The following TET1 variants were observed in gnomAD, a reference collection of about 807,000 sequenced individuals.
TET1 encodes the protein methylcytosine dioxygenase TET1.
TET1 carries 13 observed loss-of-function variants against 148.7 expected under a neutral mutation model. The observed-to-expected ratio is 0.09, with a 90% CI of 0.06 to 0.14. The LOEUF is 0.14. Among genes scored for constraint, TET1 ranks in the 10% least tolerant of loss-of-function variants. The pLI is 1.00. For missense variants in TET1, 2,182 were observed against 2,553.8 expected, an observed-to-expected ratio of 0.85 and a Z score of 3.14; for synonymous variants, 907 against 937.2, an observed-to-expected ratio of 0.97 and a Z score of 0.59.
At chr10:68,563,616 G>C (rs1330233289) in intron 1 of TET1, among the ~76,000 whole-genome samples, 1 of 152,232 alleles carries the variant, frequency 6.6e-6, no homozygotes, top group Non-Finnish European at 1.5e-5. Flanking sequence ...GATTTTGGGG[G>C]AATCCAGAAA....
At chr10:68,682,733 G>T (rs1457455212) in intron 9 of TET1, 103 bp from the exon 10 acceptor site, 2 of 1,314,526 alleles carry the variant, frequency 1.5e-6, no homozygotes, top group Non-Finnish European at 2.1e-6. Flanking sequence ...ATTACAAAGT[G>T]TAATTAATTA....
At chr10:68,594,705 G>A (rs1212443360) in intron 2 of TET1, among the ~76,000 whole-genome samples, 3 of 152,002 alleles carry the variant, frequency 2.0e-5, no homozygotes, top group East Asian at 3.9e-4. Context: ...GAGAACGGGC[G>A]CGGTGACTCA....
In TET1 at chr10:68,572,086, C is replaced by T. The variant is rs554007043; in HGVS notation, c.-122-131C>T. ...TGAGCTGTGATCATGCCTCTGCACT[C>T]CAGCCTGGGCAACAGAATGAGACCC... On this transcript the variant is annotated intron_variant, in intron 1 of 11. Coordinates refer to ENST00000373644, the MANE Select transcript of TET1 (RefSeq NM_030625.3). 9 of 396,532 alleles carry T rather than the reference C, an allele frequency of 2.3e-5. No individual in the cohort carries two copies. In the East Asian group the frequency reaches 3.6e-4, roughly 16 times the overall value. The allele number at this position is 396,532 out of a possible 1,614,324, so 24.6% of individuals were successfully genotyped here.
intron 6 of TET1, among the ~76,000 whole-genome samples, chr10:68,657,021 C>A (rs1419565492): frequency 1.6e-5 from 2 of 128,046 alleles, no homozygotes; most frequent in African/African-American, 3.4e-5. Flanking sequence ...CAGAGTCTAG[C>A]TCCAAAAAAA....
At chr10:68,614,837 G>T (rs1435159132) in intron 3 of TET1, among the ~76,000 whole-genome samples, 2 of 151,318 alleles carry the variant, frequency 1.3e-5, no homozygotes, top group East Asian at 1.9e-4. Context: ...CAAGCAATCC[G>T]CCCACCTTGG....
intron 1 of TET1, among the ~76,000 whole-genome samples, chr10:68,565,458 C>G (rs1339332175): frequency 1.0e-4 from 7 of 67,572 alleles, no homozygotes; most frequent in South Asian, 4.5e-4. Flanking sequence ...AGAGCAAGAC[C>G]CTGTTTAAAA....
chr10:68,651,252 A>G (rs989386191), intron 4 of TET1, among the ~76,000 whole-genome samples: 12 of 152,128 alleles, frequency 7.9e-5, no homozygotes, highest in African/African-American at 2.9e-4. Context: ...GATTGAGACC[A>G]TCCTGGCTAA....
intron 3 of TET1, 113 bp downstream of exon 3, chr10:68,601,147 T>A: frequency 1.1e-6 from 1 of 875,406 alleles, no homozygotes; most frequent in African/African-American, 1.7e-5. Flanking sequence ...AGATTTTCAG[T>A]AGATGGATGA....
chr10:68,596,544 C>T (rs1485397074), intron 2 of TET1, among the ~76,000 whole-genome samples: 2 of 152,102 alleles, frequency 1.3e-5, no homozygotes, highest in African/African-American at 4.8e-5. Context: ...CAACCTTGGC[C>T]TCTCAAAGTG....
chr10:68,587,181 G>A (rs2053870696), intron 2 of TET1, among the ~76,000 whole-genome samples: 1 of 152,124 alleles, frequency 6.6e-6, no homozygotes, highest in African/African-American at 2.4e-5. Context: ...TGTTTCTGCT[G>A]TGTTCTAGAC....
At chr10:68,652,705 T>C in intron 6 of TET1, 111 bp downstream of exon 6, 1 of 765,250 alleles carries the variant, frequency 1.3e-6, no homozygotes, top group Non-Finnish European at 2.0e-6. Context: ...TTTATTTATT[T>C]AATTTTTGAG....
rs889413336 is a variant in TET1 at position 68,573,405 on chromosome 10, A to G, written c.1067A>G (p.Gln356Arg). Reference sequence around the variant, plus strand: ...GCCTTCGAAGCTACTGCAAATCAACAGGAAGTTTCTGATACCACCTCTTTC... The same window carrying G: ...GCCTTCGAAGCTACTGCAAATCAACGGGAAGTTTCTGATACCACCTCTTTC... Reference protein sequence around the residue: ...QEAFEATANQQEVSDTTSFLG... With the variant: ...QEAFEATANQREVSDTTSFLG... The change falls in exon 2 of 12, where the codon CAG becomes CGG. Residue 356 changes from glutamine to arginine, a missense_variant. Coordinates refer to ENST00000373644, the MANE Select transcript of TET1 (RefSeq NM_030625.3). 3 of 1,614,046 alleles carry G rather than the reference A, an allele frequency of 1.9e-6. No homozygotes were observed. The African/African-American group carries it at 4.0e-5, about 22-fold the overall frequency.
At chr10:68,592,506 C>T (rs10998314) in intron 2 of TET1, among the ~76,000 whole-genome samples, 23,607 of 152,068 alleles carry the variant, frequency 0.16, 2,003 homozygotes, top group South Asian at 0.24. Context: ...ATAATTCTAA[C>T]GGGAACGGTA....
chr10:68,611,090 C>T (rs965360355), intron 3 of TET1, among the ~76,000 whole-genome samples: 15 of 152,092 alleles, frequency 9.9e-5, no homozygotes, highest in South Asian at 2.1e-4. Context: ...GTCAGGAGTT[C>T]GAGACAGGCC....
intron 3 of TET1, among the ~76,000 whole-genome samples, chr10:68,617,377 C>T (rs1404029911): frequency 6.6e-6 from 1 of 151,814 alleles, no homozygotes; most frequent in Non-Finnish European, 1.5e-5. Context: ...CCTGGCTGGT[C>T]TTGAACTCCC....
intron 3 of TET1, among the ~76,000 whole-genome samples, chr10:68,629,063 C>G (rs561413983): frequency 8.5e-5 from 13 of 152,194 alleles, no homozygotes; most frequent in Non-Finnish European, 1.6e-4. Flanking sequence ...TTATTTTAGT[C>G]ACTAAAAATT....
chr10:68,623,719 A>G (rs193099081), intron 3 of TET1, among the ~76,000 whole-genome samples: 28 of 152,332 alleles, frequency 1.8e-4, no homozygotes, highest in African/African-American at 5.8e-4. Context: ...GTAGAAATTC[A>G]GTGTACATCG....
intron 3 of TET1, among the ~76,000 whole-genome samples, chr10:68,637,006 T>A (rs2054661996): frequency 6.6e-6 from 1 of 151,940 alleles, no homozygotes; most frequent in Non-Finnish European, 1.5e-5. Context: ...TGTGTGTGTG[T>A]GTGAGTGTGT....
chr10:68,661,663 G>A (rs1325027735), intron 6 of TET1, among the ~76,000 whole-genome samples: 2 of 151,198 alleles, frequency 1.3e-5, no homozygotes, highest in African/African-American at 2.4e-5. Flanking sequence ...TCTGGGGTTT[G>A]TTGTAGAGAC....
Sources: gnomAD v4.1 joint callset for allele counts (sites outside exome capture counted in the v4.1 genomes callset) on GRCh38, gnomAD v4.1.1 for gene constraint, MANE v1.5 for transcripts, NCBI Gene and HGNC (gene_info 2026-07-23, HGNC 2026-07-21) for gene names.